RLF: variants seen among roughly 807,000 people sequenced by gnomAD.
The protein encoded by RLF is zinc finger protein Rlf.
Under a neutral mutation model 162.9 loss-of-function variants are expected in RLF, and 7 were observed. That is an observed-to-expected ratio of 0.04 (90% CI 0.02 to 0.08). RLF has a LOEUF of 0.08. RLF is among the 10% of genes least tolerant of loss of function. The pLI is 1.00. For missense variants in RLF, 1,664 were observed against 2,244.7 expected (o/e 0.74, Z 5.23); for synonymous variants, 782 against 791.5 (o/e 0.99, Z 0.20).
chr1:40,214,908 G>A (rs1394325498), intron 5 of RLF, among the ~76,000 whole-genome samples: 3 of 98,016 alleles, frequency 3.1e-5, no homozygotes, highest in Non-Finnish European at 1.9e-5. Flanking sequence ...GGACAAGAGT[G>A]AGCCTGTCTC....
At chr1:40,226,620 C>T (rs1050452988) in intron 6 of RLF, among the ~76,000 whole-genome samples, 1 of 152,078 alleles carries the variant, frequency 6.6e-6, no homozygotes, top group Non-Finnish European at 1.5e-5. Flanking sequence ...TTTTATTTAA[C>T]AGAATTGTAT....
rs1228607804 is a variant in RLF at position 40,239,943 on chromosome 1, A to G, written c.5241A>G (p.Lys1747=). ...TAAAAAATCCAACCCATGTCCCAAA[A>G]GAGAATTTTAGGAAACATTCACAGC... is the stretch of plus-strand genomic sequence containing the variant. ...NTVKNPTHVP[K]ENFRKHSQPR... is the part of the protein sequence containing the mutation. The change falls in exon 8 of 8, where the codon AAA becomes AAG. Residue 1747 remains lysine, a synonymous_variant. Coordinates refer to ENST00000372771, the MANE Select transcript of RLF (RefSeq NM_012421.4). The G allele has an allele frequency of 1.9e-6, 3 of 1,613,592 alleles. No individual in the cohort carries two copies. The highest frequency in any genetic ancestry group is 2.5e-6 in the Non-Finnish European group (3 of 1,180,048).
In RLF at chr1:40,202,563, C is replaced by T. The variant is rs1642731906; in HGVS notation, c.759C>T (p.Ala253=). 3 of 1,563,486 alleles carry T rather than the reference C, an allele frequency of 1.9e-6. No individual in the cohort carries two copies. The East Asian group carries it at 7.0e-5, about 37-fold the overall frequency. ...EISNVSSFQQ[A]YITCLCSMLP... ...CAAATGTGTCATCTTTTCAGCAAGC[C>T]TATATCACATGTTTATGTTCTATGC... Residue 253 remains alanine, a synonymous_variant, in exon 5 of 8, where the codon GCC becomes GCT. Transcript: ENST00000372771.
rs191524402 is a variant in RLF at position 40,193,948 on chromosome 1, A to G, written c.475-1684A>G. ...TAAATGGAAGCTTATGTTCCTAGAG[A>G]ATTTCAGGAGTTTAAAATAAGGGAA... On this transcript the variant is annotated intron_variant, in intron 3 of 7. Coordinates refer to ENST00000372771, the MANE Select transcript of RLF (RefSeq NM_012421.4). 9.4e-4 allele frequency among the ~76,000 whole-genome samples: 143 copies of G among 152,282 alleles called. 1 individual carries two copies. Among genetic ancestry groups the G allele is most frequent in the African/African-American group, 3.3e-3 (139 of 41,562 alleles).
At chr1:40,216,235 C>T (rs370139784) in intron 5 of RLF, among the ~76,000 whole-genome samples, 1 of 152,164 alleles carries the variant, frequency 6.6e-6, no homozygotes, top group Non-Finnish European at 1.5e-5. Flanking sequence ...GTAATCCTAG[C>T]GCTTTGGGAG....
At chr1:40,215,573 T>C (rs1321012590) in intron 5 of RLF, among the ~76,000 whole-genome samples, 1 of 151,996 alleles carries the variant, frequency 6.6e-6, no homozygotes, top group Non-Finnish European at 1.5e-5. Context: ...GAGTAAGTTT[T>C]TGTTGTATTT....
chr1:40,202,741 A>G, intron 5 of RLF, 127 bp downstream of exon 5: 1 of 565,786 alleles, frequency 1.8e-6, no homozygotes, highest in Non-Finnish European at 3.0e-6. Context: ...ACCAAAATGT[A>G]TGATTTTAAT....
In RLF at chr1:40,235,985, T is replaced by C. The variant is rs201686344; in HGVS notation, c.1283T>C (p.Met428Thr). 59 of 1,613,346 alleles carry C rather than the reference T, an allele frequency of 3.7e-5. No individual in the cohort carries two copies. In the East Asian group the frequency reaches 1.1e-3, roughly 31 times the overall value. ...LIEPSLDGFN[M>T]LEELYLQPDQ... ...GAACCCAGTTTGGATGGATTTAATATGTTAGAAGAACTATATTTGCAACCA... is the reference window on the plus strand; with the variant it reads ...GAACCCAGTTTGGATGGATTTAATACGTTAGAAGAACTATATTTGCAACCA... The change falls in exon 8 of 8, where the codon ATG (methionine) becomes ACG (threonine). Residue 428 changes from methionine to threonine, a missense_variant. Physicochemically the swap from Met to Thr is moderately conservative, Grantham distance 81. This residue lies in a region of RLF where 287 missense variants were observed against 404.9 expected (regional missense o/e 0.71). Coordinates refer to ENST00000372771, the MANE Select transcript of RLF (RefSeq NM_012421.4).
intron 4 of RLF, among the ~76,000 whole-genome samples, chr1:40,201,441 A>G (rs1234578441): frequency 2.6e-5 from 4 of 151,602 alleles, no homozygotes; most frequent in Non-Finnish European, 4.4e-5. Context: ...CTGGCTAACA[A>G]CGGTGAAACC....
Position 40,237,862 on chromosome 1 carries a change from C to T in RLF, c.3160C>T (p.Pro1054Ser), listed in dbSNP as rs142953276. 34 of 1,613,948 alleles carry T rather than the reference C, an allele frequency of 2.1e-5. No individual in the cohort carries two copies. The highest frequency in any genetic ancestry group is 4.4e-5 in the South Asian group (4 of 91,086). Residue 1054 changes from proline (P) to serine (S), a missense_variant, in exon 8 of 8, where the codon CCC becomes TCC. By Grantham distance (74) the Pro-to-Ser change is moderately conservative (BLOSUM62 -1). This residue lies in a region of RLF where 295 missense variants were observed against 317.4 expected (regional missense o/e 0.93). Coordinates refer to ENST00000372771, the MANE Select transcript of RLF (RefSeq NM_012421.4). The surrounding 1 kb of genome is among the most constrained non-coding windows in gnomAD (Gnocchi z 4.4). ...ATCCTCCATTTGTGCTTCTAAAAGG[C>T]CCTGTACAGAGGATACCATGTTGGA... ...SESSICASKR[P>S]CTEDTMLELL...
intron 1 of RLF, among the ~76,000 whole-genome samples, chr1:40,163,518 T>G (rs1030521032): frequency 6.6e-6 from 1 of 152,228 alleles, no homozygotes; most frequent in Non-Finnish European, 1.5e-5. Flanking sequence ...TTTTAATGTC[T>G]TGAGTCTTGG....
At chr1:40,219,091 AT>A (rs1471469686) in intron 5 of RLF, among the ~76,000 whole-genome samples, 1 of 152,124 alleles carries the variant, frequency 6.6e-6, no homozygotes, top group Non-Finnish European at 1.5e-5. Context: ...TGTGGCATAT[AT>A]TTGTTTTTTA....
chr1:40,175,378 C>T (rs1249478108), intron 1 of RLF, among the ~76,000 whole-genome samples: 1 of 152,076 alleles, frequency 6.6e-6, no homozygotes, highest in African/African-American at 2.4e-5. Context: ...TGGCCAGGCA[C>T]GGTGGCTCAC....
chr1:40,212,063 C>T (rs575622469), intron 5 of RLF, among the ~76,000 whole-genome samples: 4 of 152,348 alleles, frequency 2.6e-5, no homozygotes, highest in Admixed American at 6.5e-5. Flanking sequence ...ATTCAGCATA[C>T]GTTCTAAAGT....
chr1:40,163,902 A>G (rs1642131051), intron 1 of RLF, among the ~76,000 whole-genome samples: 1 of 152,244 alleles, frequency 6.6e-6, no homozygotes, highest in South Asian at 2.1e-4. Flanking sequence ...AGTCCAGATA[A>G]GATCAACTGT....
chr1:40,161,621 C>T lies in RLF; in HGVS notation c.222C>T (p.Cys74=), dbSNP rs764295664. The change falls in exon 1 of 8, where the codon TGC becomes TGT. Residue 74 remains cysteine (C), a synonymous_variant. Coordinates refer to ENST00000372771, the MANE Select transcript of RLF (RefSeq NM_012421.4). This position sits in a 1 kb window ranked among gnomAD's most constrained non-coding sequence, Gnocchi z 4.4. Reference sequence around the variant, plus strand: ...CGGAGGTCTCATCTTTGAACTACTGCCGGAGCTTCTGCCAGGTGAGGGGCT... The same window carrying T: ...CGGAGGTCTCATCTTTGAACTACTGTCGGAGCTTCTGCCAGGTGAGGGGCT... ...EVSEVSSLNY[C]RSFCQTLLQY... is the part of the protein sequence containing the mutation. The T allele has an allele frequency of 1.2e-6, 2 of 1,612,406 alleles. No individual in the cohort carries two copies. Among genetic ancestry groups the T allele is most frequent in the Admixed American group, 3.3e-5 (2 of 59,800 alleles).
Position 40,236,450 on chromosome 1 carries a change from C to T in RLF, c.1748C>T (p.Thr583Ile). 2 of 1,613,922 alleles carry T rather than the reference C, an allele frequency of 1.2e-6. No homozygotes were observed. Among genetic ancestry groups the T allele is most frequent in the Non-Finnish European group, 1.7e-6 (2 of 1,179,958 alleles). Residue 583 changes from threonine (T) to isoleucine (I), a missense_variant, in exon 8 of 8, where the codon ACC becomes ATC. Physicochemically the swap from Thr to Ile is moderately conservative, Grantham distance 89 (BLOSUM62 -1). Around this residue, in one of 15 missense-constraint regions of RLF, gnomAD observed 31 missense variants for 80.5 expected, o/e 0.39. Coordinates refer to ENST00000372771, the MANE Select transcript of RLF (RefSeq NM_012421.4). The surrounding 1 kb of genome is among the most constrained non-coding windows in gnomAD (Gnocchi z 7.7). ...ATGCATATGGAAGATGGAATTTACA[C>T]CTGTCCAGTTTGTATTAAAAAATTT... ...SKMHMEDGIYTCPVCIKKFKR... is the reference protein window; with the variant it reads ...SKMHMEDGIYICPVCIKKFKR...
chr1:40,211,061 C>A (rs1471462040), intron 5 of RLF, among the ~76,000 whole-genome samples: 3 of 152,192 alleles, frequency 2.0e-5, no homozygotes, highest in Non-Finnish European at 4.4e-5. Context: ...ACATTCATTT[C>A]TTGTCTGTGG....
chr1:40,211,593 G>T lies in RLF; in HGVS notation c.810+8979G>T, dbSNP rs117163280. On this transcript the variant is annotated intron_variant, in intron 5 of 7. Coordinates refer to ENST00000372771, the MANE Select transcript of RLF (RefSeq NM_012421.4). ...ATTTTAAAGGAACCCTAGTATCATCGTATCATCATAACTAGTCAGTCTTTT... is the reference window on the plus strand; with the variant it reads ...ATTTTAAAGGAACCCTAGTATCATCTTATCATCATAACTAGTCAGTCTTTT... Among the ~76,000 whole-genome samples the T allele has an allele frequency of 9.1e-4, 138 of 152,088 alleles. 1 individual carries two copies. The East Asian group carries it at 0.022, about 24-fold the overall frequency.
Sources: allele counts gnomAD v4.1 joint callset (sites outside exome capture counted in the v4.1 genomes callset), GRCh38; gene constraint gnomAD v4.1.1; regional missense constraint gnomAD v4.1.1; non-coding constraint Gnocchi (gnomAD v3.1); transcripts MANE v1.5; gene names NCBI Gene and HGNC (gene_info 2026-07-23, HGNC 2026-07-21).